SCYL2: variants seen among roughly 807,000 people sequenced by gnomAD.
SCYL2 encodes SCY1-like protein 2.
In SCYL2, 36 loss-of-function variants were observed where a neutral mutation model predicts 100.4. The observed-to-expected ratio is 0.36, with a 90% CI of 0.27 to 0.47. The LOEUF is 0.47. Ranked by LOEUF, SCYL2 falls within the 20% of genes least tolerant of loss-of-function variation. SCYL2 has a pLI of 1.00. For synonymous variants in SCYL2, 330 were observed against 359.2 expected (o/e 0.92, Z 0.92); for missense variants, 902 against 1,083.9 (o/e 0.83, Z 2.36).
chr12:100,323,759 C>G (rs541316484), intron 11 of SCYL2, 121 bp downstream of exon 11: 9 of 597,272 alleles, frequency 1.5e-5, no homozygotes, highest in Non-Finnish European at 2.6e-5. Flanking sequence ...CTGTAGATAA[C>G]TTGTATATAG....
intron 2 of SCYL2, among the ~76,000 whole-genome samples, chr12:100,290,843 TGAG>T (rs2096309732): frequency 6.6e-6 from 1 of 152,100 alleles, no homozygotes; most frequent in Admixed American, 6.5e-5. Context: ...GGTAACTAGA[TGAG>T]AACTGTTTTT....
rs1269028299 is a variant in SCYL2, at chr12:100,338,537, T to A, written c.2155T>A (p.Leu719Met). ...PVATVKQTKD[L>M]TDTLMDNMSS... Reference sequence around the variant, plus strand: ...CTCTCATATTTTTCAGACTAAGGACTTGACAGACACACTGATGGATAATAT... The same window carrying A: ...CTCTCATATTTTTCAGACTAAGGACATGACAGACACACTGATGGATAATAT... Residue 719 changes from leucine to methionine, a missense_variant, in exon 18 of 18, where the codon TTG becomes ATG. Coordinates refer to ENST00000360820, the MANE Select transcript of SCYL2 (RefSeq NM_017988.6). The A allele has an allele frequency of 6.2e-7, 1 of 1,600,644 alleles. No homozygotes were observed. Among genetic ancestry groups the A allele is most frequent in the South Asian group, 1.1e-5 (1 of 88,900 alleles).
chr12:100,300,938 A>C (rs969305327), intron 4 of SCYL2, among the ~76,000 whole-genome samples: 2 of 152,174 alleles, frequency 1.3e-5, no homozygotes, highest in African/African-American at 4.8e-5. Context: ...GTTATTGTGA[A>C]TAGTGCTGCA....
chr12:100,308,933 G>C (rs1348313324), intron 4 of SCYL2, among the ~76,000 whole-genome samples: 2 of 152,148 alleles, frequency 1.3e-5, no homozygotes. Flanking sequence ...CAAGTGCACA[G>C]ATTATGTCTC....
At chr12:100,338,362 A>T (rs1443368969) in intron 17 of SCYL2, among the ~76,000 whole-genome samples, 166 bp from the exon 18 acceptor site, 2 of 152,232 alleles carry the variant, frequency 1.3e-5, no homozygotes, top group Non-Finnish European at 2.9e-5. Context: ...CTATATAAAA[A>T]TAGGTGGCAG....
chr12:100,331,863 A>C (rs78426949), intron 13 of SCYL2, among the ~76,000 whole-genome samples: 2,353 of 152,326 alleles, frequency 0.015, 63 homozygotes, highest in African/African-American at 0.053. Flanking sequence ...TAAGTAACTT[A>C]GGAAAATACA....
intron 2 of SCYL2, 61 bp downstream of exon 2, chr12:100,283,208 T>C: frequency 7.1e-7 from 1 of 1,402,706 alleles, no homozygotes; most frequent in East Asian, 2.4e-5. Flanking sequence ...ATAAAATGCA[T>C]GTGTGCATTT....
chr12:100,299,856 C>T lies in SCYL2; in HGVS notation c.480+1681C>T, dbSNP rs1044972832. 2.6e-5 allele frequency among the ~76,000 whole-genome samples: 4 copies of T among 152,146 alleles called. No individual in the cohort carries two copies. The East Asian group carries it at 7.7e-4, about 29-fold the overall frequency. On this transcript the variant is annotated intron_variant, in intron 4 of 17. Transcript: ENST00000360820. Reference sequence around the variant, plus strand: ...AAGTTTTTGTATGAACATACACATTCGTTTCTCCTGATCAAGTACTTGGGA... The same window carrying T: ...AAGTTTTTGTATGAACATACACATTTGTTTCTCCTGATCAAGTACTTGGGA...
intron 1 of SCYL2, among the ~76,000 whole-genome samples, chr12:100,272,787 C>A (rs547667320): frequency 1.5e-4 from 23 of 152,220 alleles, no homozygotes; most frequent in Non-Finnish European, 2.1e-4. Flanking sequence ...CTTCTCCTTT[C>A]TCACTGCTAT....
At position 100,339,297 on chromosome 12, in the gene SCYL2, A is replaced by T; in HGVS notation, c.*125A>T. ...AAAGTGAACAGTTCTGTGACAGGAA[A>T]CATCTCTGTCCATGCCAGCATAGTA... On this transcript the variant is annotated 3_prime_UTR_variant, in exon 18 of 18. Coordinates refer to ENST00000360820, the MANE Select transcript of SCYL2 (RefSeq NM_017988.6). 8 of 923,450 alleles carry T rather than the reference A, an allele frequency of 8.7e-6. No homozygotes were observed. Among genetic ancestry groups the T allele is most frequent in the Non-Finnish European group, 1.1e-5 (7 of 620,582 alleles). The allele number at this position is 923,450 out of a possible 1,614,324, so 57.2% of individuals were successfully genotyped here.
In SCYL2 at chr12:100,315,633, C is replaced by T; in HGVS notation, c.1171C>T (p.Pro391Ser). The part of the protein sequence containing the change: ...VNPDMVPFVL[P>S]NVLLIAEECT... ...CCCTGACATGGTACCTTTTGTTTTG[C>T]CCAATGTTCTACTTATTGCTGAGGA... is the stretch of plus-strand genomic sequence containing the variant. The change falls in exon 9 of 18, where the codon CCC (proline) becomes TCC (serine). Residue 391 changes from proline (P) to serine (S), a missense_variant. Pro to Ser is a moderately conservative substitution (Grantham distance 74, BLOSUM62 -1). Transcript: ENST00000360820. 6.2e-7 allele frequency: 1 copy of T among 1,611,664 alleles called. No homozygotes were observed.
chr12:100,298,212 T>G (rs750235061), intron 4 of SCYL2, 37 bp downstream of exon 4: 1 of 1,437,914 alleles, frequency 7.0e-7, no homozygotes, highest in Admixed American at 2.6e-5. Flanking sequence ...AAAGAGTTGT[T>G]TCCTTTAAAA....
intron 4 of SCYL2, among the ~76,000 whole-genome samples, chr12:100,306,716 T>G (rs2096334847): frequency 6.6e-6 from 1 of 152,240 alleles, no homozygotes; most frequent in Non-Finnish European, 1.5e-5. Flanking sequence ...TGTCTCTGTT[T>G]GCAGATGACA....
chr12:100,326,919 G>A (rs954267306), intron 12 of SCYL2, among the ~76,000 whole-genome samples, 165 bp downstream of exon 12: 7 of 152,164 alleles, frequency 4.6e-5, no homozygotes, highest in Admixed American at 4.6e-4. Flanking sequence ...AGCAAAAGCA[G>A]TAGAATCTTG....
intron 10 of SCYL2, among the ~76,000 whole-genome samples, chr12:100,320,208 TCTC>T (rs1236109619): frequency 6.6e-6 from 1 of 152,136 alleles, no homozygotes; most frequent in Non-Finnish European, 1.5e-5. Context: ...TGTTTTGCAA[TCTC>T]CTGTTATTAA....
At chr12:100,311,004 G>T (rs1250097503) in intron 4 of SCYL2, 40 bp from the exon 5 acceptor site, 2 of 1,431,832 alleles carry the variant, frequency 1.4e-6, no homozygotes, top group South Asian at 1.6e-5. Flanking sequence ...TAATTGAAAG[G>T]AGTTTTATTT....
At position 100,312,552 on chromosome 12, in the gene SCYL2, T is replaced by G. The variant is rs758758848; in HGVS notation, c.751T>G (p.Ser251Ala). Reference protein sequence around the residue: ...VSCETASDMYSLGTVMYAVFN... With the variant: ...VSCETASDMYALGTVMYAVFN... ...CTGTGAAACAGCCAGTGATATGTAT[T>G]CTTTAGGAACTGTTATGTATGCTGT... Residue 251 changes from serine (S) to alanine (A), a missense_variant, in exon 6 of 18, where the codon TCT becomes GCT. Ser to Ala is a moderately conservative substitution (Grantham distance 99). Coordinates refer to ENST00000360820, the MANE Select transcript of SCYL2 (RefSeq NM_017988.6). The G allele has an allele frequency of 6.8e-6, 11 of 1,612,938 alleles. No homozygotes were observed. The East Asian group carries it at 2.2e-4, about 33-fold the overall frequency.
At chr12:100,322,464 C>T (rs1472512936) in intron 10 of SCYL2, among the ~76,000 whole-genome samples, 1 of 148,402 alleles carries the variant, frequency 6.7e-6, no homozygotes, top group African/African-American at 2.5e-5. Context: ...AATTATTAAA[C>T]ACTCTTTTAA....
chr12:100,327,657 G>A (rs908867575), intron 12 of SCYL2, among the ~76,000 whole-genome samples: 1 of 151,928 alleles, frequency 6.6e-6, no homozygotes, highest in African/African-American at 2.4e-5. Flanking sequence ...GGGATTACAG[G>A]CACCTGCCAC....
Sources: gnomAD v4.1 joint callset for allele counts (sites outside exome capture counted in the v4.1 genomes callset) on GRCh38, gnomAD v4.1.1 for gene constraint, MANE v1.5 for transcripts, NCBI Gene and HGNC (gene_info 2026-07-23, HGNC 2026-07-21) for gene names.